SUGCT: variants seen among roughly 807,000 people sequenced by gnomAD.
SUGCT encodes the protein succinyl-CoA:glutarate CoA-transferase.
A neutral mutation model predicts 55.0 loss-of-function variants in SUGCT; 41 were observed. The observed-to-expected ratio is 0.74, with a 90% CI of 0.58 to 0.97. The LOEUF (loss-of-function observed/expected upper bound fraction) is 0.97, where lower values mean the gene tolerates loss of function less well. Among genes scored for constraint, SUGCT ranks in the 50% least tolerant of loss-of-function variants. SUGCT has a pLI of 0.00. For synonymous variants in SUGCT, 187 were observed against 200.4 expected (o/e 0.93, Z 0.56); for missense variants, 568 against 547.8 (o/e 1.04, Z -0.37).
chr7:40,993,440 G>T, the SUGCT span, among the ~76,000 whole-genome samples: 1 of 152,196 alleles, frequency 6.6e-6, no homozygotes, highest in Non-Finnish European at 1.5e-5. Context: ...GTCAGGAAGT[G>T]TTGGTAGAAT....
chr7:40,248,545 T>C (rs1790068067), intron 7 of SUGCT, among the ~76,000 whole-genome samples: 1 of 151,980 alleles, frequency 6.6e-6, no homozygotes, highest in African/African-American at 2.4e-5. Context: ...TATGTAATTT[T>C]CTACATGCGC....
chr7:40,135,634 T>A (rs1162572545), intron 1 of SUGCT, among the ~76,000 whole-genome samples: 1 of 152,260 alleles, frequency 6.6e-6, no homozygotes, highest in Admixed American at 6.5e-5. Flanking sequence ...TAATCCACTA[T>A]GAATCTTTTT....
At chr7:40,382,206 T>C (rs937708115) in intron 9 of SUGCT, among the ~76,000 whole-genome samples, 7 of 152,204 alleles carry the variant, frequency 4.6e-5, no homozygotes, top group African/African-American at 1.7e-4. Context: ...ATGTGGCTTT[T>C]CTGATAGACT....
intron 10 of SUGCT, among the ~76,000 whole-genome samples, chr7:40,454,346 G>GA (rs1335453645): frequency 1.3e-5 from 2 of 152,110 alleles, no homozygotes; most frequent in Non-Finnish European, 2.9e-5. Flanking sequence ...GGGATAAACT[G>GA]AAAAAAATCT....
intron 12 of SUGCT, among the ~76,000 whole-genome samples, chr7:40,570,984 C>T (rs977695339): frequency 2.0e-5 from 3 of 151,098 alleles, no homozygotes; most frequent in African/African-American, 4.9e-5. Context: ...CTCAGCCTCC[C>T]GAGTAGCTGA....
At chr7:40,754,537 T>C (rs1562983089) in intron 13 of SUGCT, among the ~76,000 whole-genome samples, 1 of 152,212 alleles carries the variant, frequency 6.6e-6, no homozygotes, top group African/African-American at 2.4e-5. Flanking sequence ...GTGGAGCTTA[T>C]GCTTGGCCAG....
chr7:40,557,559 A>C (rs1395822816), intron 12 of SUGCT, among the ~76,000 whole-genome samples: 1 of 152,048 alleles, frequency 6.6e-6, no homozygotes, highest in Admixed American at 6.6e-5. Flanking sequence ...GATCACCTGA[A>C]GTCAGGAGTT....
At chr7:40,389,336 C>T (rs1785286494) in intron 9 of SUGCT, among the ~76,000 whole-genome samples, 1 of 152,016 alleles carries the variant, frequency 6.6e-6, no homozygotes, top group African/African-American at 2.4e-5. Flanking sequence ...GTTGTAGTCC[C>T]AGCTACTTGG....
At chr7:40,826,757 G>A (rs1008229878) in intron 13 of SUGCT, among the ~76,000 whole-genome samples, 1 of 152,194 alleles carries the variant, frequency 6.6e-6, no homozygotes, top group Non-Finnish European at 1.5e-5. Context: ...TTTCTAGAGA[G>A]TTTGACCTCT....
intron 9 of SUGCT, among the ~76,000 whole-genome samples, chr7:40,320,851 T>C (rs11971332): frequency 0.39 from 58,897 of 152,018 alleles, 11,758 homozygotes; most frequent in African/African-American, 0.47. Context: ...AAATATTATG[T>C]AGTGGTGAAG....
chr7:40,254,025 T>C (rs1790627509), intron 7 of SUGCT, among the ~76,000 whole-genome samples: 1 of 152,276 alleles, frequency 6.6e-6, no homozygotes, highest in Non-Finnish European at 1.5e-5. Context: ...TACGGATGTT[T>C]GTTATTGAAG....
intron 8 of SUGCT, among the ~76,000 whole-genome samples, chr7:40,301,784 A>G (rs754923035): frequency 3.3e-4 from 51 of 152,302 alleles, no homozygotes; most frequent in South Asian, 6.2e-4. Flanking sequence ...GAATGATCAG[A>G]TGTAGGGAGA....
At chr7:41,016,794 A>T in the SUGCT span, among the ~76,000 whole-genome samples, 1 of 152,002 alleles carries the variant, frequency 6.6e-6, no homozygotes, top group Non-Finnish European at 1.5e-5. Context: ...TCTAATGCTC[A>T]CCTGTGACTC....
chr7:40,941,875 AT>A, the SUGCT span, among the ~76,000 whole-genome samples: 5 of 152,226 alleles, frequency 3.3e-5, no homozygotes, highest in Admixed American at 1.3e-4. Context: ...ATCTGATATT[AT>A]AATAGCTACT....
intron 1 of SUGCT, among the ~76,000 whole-genome samples, chr7:40,161,446 T>C (rs2150644915): frequency 6.6e-6 from 1 of 152,310 alleles, no homozygotes; most frequent in South Asian, 2.1e-4. Flanking sequence ...ATCCACCCCA[T>C]GCATATTTTT....
chr7:40,221,615 C>T (rs939012118), intron 6 of SUGCT, among the ~76,000 whole-genome samples: 4 of 150,184 alleles, frequency 2.7e-5, no homozygotes, highest in South Asian at 2.1e-4. Context: ...CTCAACCTCC[C>T]GAGTAGCTGG....
In SUGCT at chr7:40,604,796, C is replaced by A. The variant is rs373207124; in HGVS notation, c.1089+108410C>A. On this transcript the variant is annotated intron_variant, in intron 12 of 13. Coordinates refer to ENST00000335693, the MANE Select transcript of SUGCT (RefSeq NM_001193313.2). ...CACACTCCTGAGTGAAGAGCCTCAC[C>A]TTTGCCCTCTCCCTATTTGCTCCCA... Among the ~76,000 whole-genome samples the A allele has an allele frequency of 2.6e-5, 4 of 152,330 alleles. No individual in the cohort carries two copies. In the East Asian group the frequency reaches 7.7e-4, roughly 29 times the overall value.
chr7:40,443,564 G>A (rs1329778838), intron 9 of SUGCT, among the ~76,000 whole-genome samples: 1 of 152,098 alleles, frequency 6.6e-6, no homozygotes, highest in Non-Finnish European at 1.5e-5. Context: ...ACTTTTTGAT[G>A]GGGTGTTTGA....
intron 13 of SUGCT, among the ~76,000 whole-genome samples, chr7:40,795,825 A>G (rs922916995): frequency 1.3e-5 from 2 of 152,138 alleles, no homozygotes; most frequent in African/African-American, 4.8e-5. Flanking sequence ...GGAACTTGGG[A>G]AGGTGAAGTG....
Sources: allele counts gnomAD v4.1 joint callset (sites outside exome capture counted in the v4.1 genomes callset), GRCh38; gene constraint gnomAD v4.1.1; transcripts MANE v1.5; gene names NCBI Gene and HGNC (gene_info 2026-07-23, HGNC 2026-07-21).